Variants in MMRN1 observed in about 807,000 individuals in gnomAD.
MMRN1 encodes the protein multimerin-1.
In MMRN1, 94 loss-of-function variants were observed where a neutral mutation model predicts 100.7. That is an observed-to-expected ratio of 0.93 (90% CI 0.79 to 1.11). MMRN1 has a LOEUF of 1.11. MMRN1 is among the 50% of genes least tolerant of loss of function. MMRN1 has a pLI of 0.00. For synonymous variants in MMRN1, 575 were observed against 505.0 expected (o/e 1.14, Z -1.86); for missense variants, 1,606 against 1,439.1 (o/e 1.12, Z -1.88).
At chr4:89,890,380 C>T (rs1357759371), upstream of MMRN1, among the ~76,000 whole-genome samples, 5 of 151,900 alleles carry the variant, frequency 3.3e-5, no homozygotes, top group Non-Finnish European at 5.9e-5. Context: ...TGCCCATTGG[C>T]GTTCCTAGTT....
chr4:89,942,172 A>G (rs1255620636), intron 6 of MMRN1, among the ~76,000 whole-genome samples: 1 of 152,180 alleles, frequency 6.6e-6, no homozygotes, highest in Non-Finnish European at 1.5e-5. Context: ...GTCACTGCAT[A>G]TGCTTGGGTT....
intron 1 of MMRN1, among the ~76,000 whole-genome samples, chr4:89,903,815 A>G (rs543701828): frequency 2.7e-4 from 40 of 150,544 alleles, no homozygotes; most frequent in African/African-American, 9.5e-4. Flanking sequence ...GAAATTTTTC[A>G]GGGAAATTTT....
rs777462036 is a variant in MMRN1, at chr4:89,953,297, G to A, written c.3566G>A (p.Gly1189Glu). 1.6e-5 allele frequency: 26 copies of A among 1,613,700 alleles called. No homozygotes were observed. The highest frequency in any genetic ancestry group is 2.2e-5 in the Non-Finnish European group (26 of 1,179,820). The change falls in exon 8 of 8, where the codon GGG becomes GAG. Residue 1189 changes from glycine to glutamate, a missense_variant. By Grantham distance (98) the Gly-to-Glu change is moderately conservative (BLOSUM62 -2). Transcript: ENST00000264790. ...ATACACTGTGATAGGGTTTTAACTG[G>A]GGATGCCTTATTAGAATTAAATTAT... Reference protein sequence around the residue: ...SEIHCDRVLTGDALLELNYGQ... With the variant: ...SEIHCDRVLTEDALLELNYGQ...
intron 3 of MMRN1, among the ~76,000 whole-genome samples, chr4:89,918,921 A>G (rs1334288972): frequency 6.6e-6 from 1 of 151,830 alleles, no homozygotes. Context: ...AAAAAAATTA[A>G]CTGCTTTAAA....
intron 6 of MMRN1, among the ~76,000 whole-genome samples, chr4:89,938,646 T>C (rs1722730344): frequency 6.6e-6 from 1 of 151,368 alleles, no homozygotes; most frequent in African/African-American, 2.4e-5. Flanking sequence ...TAGGACATTA[T>C]AAAAATTGTA....
intron 4 of MMRN1, among the ~76,000 whole-genome samples, chr4:89,927,136 A>G (rs1001219866): frequency 6.6e-6 from 1 of 150,940 alleles, no homozygotes; most frequent in African/African-American, 2.5e-5. Flanking sequence ...GTTGTTCCAT[A>G]TAAATTTTAG....
chr4:89,943,337 G>A (rs1355259618), intron 6 of MMRN1, among the ~76,000 whole-genome samples: 3 of 152,142 alleles, frequency 2.0e-5, no homozygotes, highest in African/African-American at 7.2e-5. Flanking sequence ...ACACAATCAT[G>A]TGTACGTGTA....
intron 1 of MMRN1, among the ~76,000 whole-genome samples, chr4:89,883,188 TG>T (rs775606729): frequency 1.3e-4 from 20 of 152,132 alleles, no homozygotes; most frequent in Non-Finnish European, 2.6e-4. Context: ...CTCTTATATT[TG>T]GGCTGTTACG....
At chr4:89,946,902 C>G (rs1380757324) in intron 6 of MMRN1, among the ~76,000 whole-genome samples, 1 of 152,060 alleles carries the variant, frequency 6.6e-6, no homozygotes, top group African/African-American at 2.4e-5. Flanking sequence ...ACTAATTGCA[C>G]TGATCTCCAT....
At chr4:89,944,430 C>T (rs11943236) in intron 6 of MMRN1, among the ~76,000 whole-genome samples, 4,954 of 152,134 alleles carry the variant, frequency 0.033, 247 homozygotes, top group African/African-American at 0.11. Context: ...CACATGGGCA[C>T]GTTAACTTTG....
rs1723244663 is a variant in MMRN1 at position 89,953,298 on chromosome 4, G to T, written c.3567G>T (p.Gly1189=). 3 of 1,613,790 alleles carry T rather than the reference G, an allele frequency of 1.9e-6. No individual in the cohort carries two copies. Among genetic ancestry groups the T allele is most frequent in the Non-Finnish European group, 2.5e-6 (3 of 1,179,804 alleles). The stretch of plus-strand genomic sequence containing the variant: ...TACACTGTGATAGGGTTTTAACTGG[G>T]GATGCCTTATTAGAATTAAATTATG... The part of the protein sequence containing the change: ...SEIHCDRVLT[G]DALLELNYGQ... The change falls in exon 8 of 8, where the codon GGG becomes GGT. Residue 1189 remains glycine, a synonymous_variant. Coordinates refer to ENST00000264790, the MANE Select transcript of MMRN1 (RefSeq NM_007351.3).
Position 89,935,707 on chromosome 4 carries a change from A to G in MMRN1, c.2027A>G (p.Lys676Arg). 3 of 1,612,102 alleles carry G rather than the reference A, an allele frequency of 1.9e-6. No individual in the cohort carries two copies. Among genetic ancestry groups the G allele is most frequent in the Non-Finnish European group, 2.5e-6 (3 of 1,179,418 alleles). ...EQPKEAIVIR[K>R]KIENLTSAVN... The stretch of plus-strand genomic sequence containing the variant: ...CCAAAGGAAGCAATAGTGATAAGGA[A>G]AAAGATAGAAAATCTGACTAGTGCT... Residue 676 changes from lysine to arginine, a missense_variant, in exon 6 of 8, where the codon AAA becomes AGA. Coordinates refer to ENST00000264790, the MANE Select transcript of MMRN1 (RefSeq NM_007351.3).
rs150931395 is a variant in MMRN1, at chr4:89,935,541, T to C, written c.1861T>C (p.Leu621=). The C allele has an allele frequency of 2.5e-6, 4 of 1,613,118 alleles. No individual in the cohort carries two copies. Among genetic ancestry groups the C allele is most frequent in the African/African-American group, 1.3e-5 (1 of 75,012 alleles). ...GAATTTACATGTGTTAAATCAAACA[T>C]TGGCTGAAGTTCTCTTTCCAATGGA... ...EENLHVLNQT[L]AEVLFPMDNK... is the part of the protein sequence containing the mutation. Residue 621 remains leucine (L), a synonymous_variant, in exon 6 of 8, where the codon TTG becomes CTG. Coordinates refer to ENST00000264790, the MANE Select transcript of MMRN1 (RefSeq NM_007351.3).
chr4:89,936,846 T>C (rs950790165), intron 6 of MMRN1, 48 bp downstream of exon 6: 5 of 1,490,934 alleles, frequency 3.4e-6, no homozygotes, highest in Non-Finnish European at 3.6e-6. Flanking sequence ...TTTACTTAAA[T>C]GATATTTAAT....
At chr4:89,926,395 T>C (rs896471882) in intron 4 of MMRN1, among the ~76,000 whole-genome samples, 1 of 152,212 alleles carries the variant, frequency 6.6e-6, no homozygotes, top group South Asian at 2.1e-4. Flanking sequence ...TTAAGCACCT[T>C]TTTATATGCC....
At chr4:89,892,654 G>A (rs992316798), upstream of MMRN1, among the ~76,000 whole-genome samples, 9 of 152,012 alleles carry the variant, frequency 5.9e-5, no homozygotes, top group African/African-American at 2.2e-4. Context: ...AGAACCTTTA[G>A]CCTTTTGATT....
At chr4:89,939,592 C>T (rs898426909) in intron 6 of MMRN1, among the ~76,000 whole-genome samples, 9 of 152,032 alleles carry the variant, frequency 5.9e-5, no homozygotes, top group African/African-American at 1.7e-4. Flanking sequence ...ACTAAAGTAT[C>T]CTGCCTAAGG....
intron 7 of MMRN1, 25 bp from the exon 8 acceptor site, chr4:89,952,972 C>A: frequency 6.5e-7 from 1 of 1,539,434 alleles, no homozygotes. Context: ...TGAAAATTAA[C>A]TCTTGCCATT....
chr4:89,939,365 A>G (rs57175349), intron 6 of MMRN1, among the ~76,000 whole-genome samples: 3 of 151,968 alleles, frequency 2.0e-5, no homozygotes, highest in Admixed American at 6.6e-5. Context: ...GCATATAAAT[A>G]TAGTGTTTTA....
Sources: gnomAD v4.1 joint callset for allele counts (sites outside exome capture counted in the v4.1 genomes callset) on GRCh38, gnomAD v4.1.1 for gene constraint, MANE v1.5 for transcripts, NCBI Gene and HGNC (gene_info 2026-07-23, HGNC 2026-07-21) for gene names.